NAALADL2: variants seen among roughly 807,000 people sequenced by gnomAD.
NAALADL2 encodes inactive N-acetylated-alpha-linked acidic dipeptidase-like protein 2.
A neutral mutation model predicts 87.2 loss-of-function variants in NAALADL2; 76 were observed. The observed-to-expected ratio is 0.87, with a 90% confidence interval of 0.72 to 1.05. The LOEUF (loss-of-function observed/expected upper bound fraction) is 1.05, where lower values mean the gene tolerates loss of function less well. Among genes scored for constraint, NAALADL2 ranks in the 50% least tolerant of loss-of-function variants. NAALADL2 has a pLI of 0.00. For missense variants in NAALADL2, 1,089 were observed against 945.8 expected (o/e 1.15, Z -1.99); for synonymous variants, 354 against 331.0 (o/e 1.07, Z -0.75).
chr3:174,719,704 T>G (rs1288051323), intron 2 of NAALADL2, among the ~76,000 whole-genome samples: 1 of 152,186 alleles, frequency 6.6e-6, no homozygotes, highest in African/African-American at 2.4e-5. Flanking sequence ...CCTCTGGAAT[T>G]TGAGATGTTT....
intron 3 of NAALADL2, among the ~76,000 whole-genome samples, chr3:174,743,056 CA>C (rs1434148477): frequency 6.6e-6 from 1 of 151,602 alleles, no homozygotes; most frequent in Non-Finnish European, 1.5e-5. Flanking sequence ...TCATCAAGCC[CA>C]CATTCACTAA....
chr3:175,488,114 C>G (rs1727566913), intron 9 of NAALADL2, among the ~76,000 whole-genome samples: 2 of 152,104 alleles, frequency 1.3e-5, no homozygotes, highest in Admixed American at 1.3e-4. Context: ...AAAACATTGC[C>G]CTTCATTGAA....
intron 1 of NAALADL2, among the ~76,000 whole-genome samples, chr3:174,921,899 C>T (rs1735282903): frequency 6.6e-6 from 1 of 151,112 alleles, no homozygotes; most frequent in African/African-American, 2.4e-5. Flanking sequence ...AATACTTTTA[C>T]CCAGAATGTT....
intron 1 of NAALADL2, among the ~76,000 whole-genome samples, chr3:175,037,802 A>G (rs1287130391): frequency 1.3e-5 from 2 of 152,130 alleles, no homozygotes; most frequent in African/African-American, 4.8e-5. Context: ...GTGTGAGTCT[A>G]CAAAGAGCTT....
At chr3:174,983,569 C>T (rs987518263) in intron 1 of NAALADL2, among the ~76,000 whole-genome samples, 2 of 152,088 alleles carry the variant, frequency 1.3e-5, no homozygotes, top group Non-Finnish European at 2.9e-5. Flanking sequence ...TAAATATTTG[C>T]TCTCTGCTTC....
At chr3:175,703,185 A>G (rs548907024) in intron 11 of NAALADL2, among the ~76,000 whole-genome samples, 1 of 152,282 alleles carries the variant, frequency 6.6e-6, no homozygotes, top group Admixed American at 6.5e-5. Context: ...AATATCAGGC[A>G]TTCTTGATTT....
At chr3:175,707,523 A>G (rs1033502265) in intron 11 of NAALADL2, among the ~76,000 whole-genome samples, 1 of 152,114 alleles carries the variant, frequency 6.6e-6, no homozygotes, top group Non-Finnish European at 1.5e-5. Context: ...CTTCTCATCC[A>G]TATTGCATAG....
intron 1 of NAALADL2, among the ~76,000 whole-genome samples, chr3:175,006,758 G>A (rs1749080941): frequency 6.6e-6 from 1 of 151,660 alleles, no homozygotes; most frequent in Non-Finnish European, 1.5e-5. Flanking sequence ...TGTAGTTTCT[G>A]AAATATTGAA....
intron 1 of NAALADL2, among the ~76,000 whole-genome samples, chr3:174,515,712 G>C (rs1383299755): frequency 2.0e-5 from 3 of 151,280 alleles, no homozygotes; most frequent in Non-Finnish European, 4.4e-5. Context: ...CCCCTTAAAG[G>C]CTGAGTAAAG....
intron 1 of NAALADL2, among the ~76,000 whole-genome samples, chr3:174,862,919 A>G (rs1417128825): frequency 2.0e-5 from 3 of 152,084 alleles, no homozygotes; most frequent in Non-Finnish European, 4.4e-5. Flanking sequence ...AAAACAGTAG[A>G]ACTCTGGGGG....
chr3:174,976,033 T>G (rs1464618118), intron 1 of NAALADL2, among the ~76,000 whole-genome samples: 5 of 152,224 alleles, frequency 3.3e-5, no homozygotes, highest in African/African-American at 1.2e-4. Flanking sequence ...TCTGTGGTAA[T>G]GTGTTATGCA....
chr3:175,250,577 C>G (rs1481238003), intron 3 of NAALADL2, among the ~76,000 whole-genome samples: 1 of 152,102 alleles, frequency 6.6e-6, no homozygotes, highest in Non-Finnish European at 1.5e-5. Context: ...CAGTGGTGCC[C>G]TCAACAGTGT....
intron 1 of NAALADL2, among the ~76,000 whole-genome samples, chr3:174,480,207 C>A (rs1199668066): frequency 6.6e-6 from 1 of 152,090 alleles, no homozygotes; most frequent in South Asian, 2.1e-4. Flanking sequence ...TAAACAGAGC[C>A]TCTGCCATTG....
At chr3:175,181,456 C>G (rs113754153) in intron 2 of NAALADL2, among the ~76,000 whole-genome samples, 67 of 151,624 alleles carry the variant, frequency 4.4e-4, no homozygotes, top group African/African-American at 1.6e-3. Flanking sequence ...ACCCTTTGAT[C>G]GACATCTCCC....
chr3:175,348,679 G>A (rs1470325698), intron 5 of NAALADL2, among the ~76,000 whole-genome samples: 1 of 152,018 alleles, frequency 6.6e-6, no homozygotes, highest in Non-Finnish European at 1.5e-5. Context: ...TGTGTGTGAC[G>A]GTCTCTATGG....
intron 11 of NAALADL2, among the ~76,000 whole-genome samples, chr3:175,663,442 A>G (rs947945555): frequency 6.6e-6 from 1 of 151,030 alleles, no homozygotes; most frequent in Admixed American, 6.6e-5. Flanking sequence ...TTCTCTCTCT[A>G]TTTTTTAGTT....
At chr3:175,262,192 CT>C (rs1364583644) in intron 4 of NAALADL2, among the ~76,000 whole-genome samples, 1 of 151,970 alleles carries the variant, frequency 6.6e-6, no homozygotes, top group Admixed American at 6.6e-5. Context: ...AAGAAATCCT[CT>C]AGTTTTGGCA....
intron 6 of NAALADL2, among the ~76,000 whole-genome samples, chr3:175,458,805 C>T (rs773945030): frequency 6.6e-6 from 1 of 152,040 alleles, no homozygotes; most frequent in Non-Finnish European, 1.5e-5. Context: ...AGGCTATTCA[C>T]TCTATATCAA....
intron 5 of NAALADL2, among the ~76,000 whole-genome samples, chr3:175,415,828 T>A (rs1044270925): frequency 1.3e-5 from 2 of 150,658 alleles, no homozygotes; most frequent in South Asian, 2.1e-4. Context: ...AAAAAAAAAA[T>A]TCAGATTGGG....
Sources: allele counts gnomAD v4.1 joint callset (sites outside exome capture counted in the v4.1 genomes callset), GRCh38; gene constraint gnomAD v4.1.1; transcripts MANE v1.5; gene names NCBI Gene and HGNC (gene_info 2026-07-23, HGNC 2026-07-21).